Variants in ANKS1B observed in about 807,000 individuals in gnomAD.
The protein encoded by ANKS1B is ankyrin repeat and sterile alpha motif domain containing 1B.
ANKS1B carries 36 observed loss-of-function variants against 148.3 expected under a neutral mutation model. That is an observed-to-expected ratio of 0.24 (90% CI 0.19 to 0.32). The LOEUF is 0.32. ANKS1B is among the 10% of genes least tolerant of loss of function. The probability of loss-of-function intolerance (pLI) is 1.00; values close to 1 mark genes in which losing one functional copy is unlikely to be tolerated. For missense variants in ANKS1B, 1,157 were observed against 1,542.6 expected (o/e 0.75, Z 4.19); for synonymous variants, 542 against 560.8 (o/e 0.97, Z 0.47).
chr12:99,724,682 T>C (rs1024096134), intron 8 of ANKS1B, among the ~76,000 whole-genome samples: 1 of 151,574 alleles, frequency 6.6e-6, no homozygotes, highest in African/African-American at 2.4e-5. Context: ...CATGAGACAA[T>C]CAACCCCAAG....
intron 15 of ANKS1B, among the ~76,000 whole-genome samples, chr12:99,149,305 T>C (rs572163976): frequency 1.3e-5 from 2 of 152,260 alleles, no homozygotes; most frequent in South Asian, 2.1e-4. Flanking sequence ...GAAATACGTA[T>C]GAGCTCTATC....
intron 9 of ANKS1B, among the ~76,000 whole-genome samples, chr12:99,540,644 G>C (rs2097115526): frequency 6.6e-6 from 1 of 151,990 alleles, no homozygotes; most frequent in Admixed American, 6.6e-5. Context: ...ACATACCAAA[G>C]CTTATGGAAT....
intron 9 of ANKS1B, among the ~76,000 whole-genome samples, chr12:99,626,767 G>T (rs2098115849): frequency 6.6e-6 from 1 of 152,132 alleles, no homozygotes; most frequent in African/African-American, 2.4e-5. Flanking sequence ...AAGATATCAG[G>T]AAAGAGGCAT....
intron 10 of ANKS1B, among the ~76,000 whole-genome samples, chr12:99,457,244 C>G (rs1338875621): frequency 2.0e-5 from 3 of 151,856 alleles, no homozygotes; most frequent in African/African-American, 7.2e-5. Context: ...AAAAGAATGG[C>G]TAAAAGGAGC....
chr12:99,903,088 T>C (rs969038730), intron 1 of ANKS1B, among the ~76,000 whole-genome samples: 1 of 152,172 alleles, frequency 6.6e-6, no homozygotes, highest in Non-Finnish European at 1.5e-5. Context: ...AAATAATCTA[T>C]GTAAAAAGCA....
chr12:99,704,449 A>AT (rs2055384575), intron 8 of ANKS1B, among the ~76,000 whole-genome samples: 1 of 152,136 alleles, frequency 6.6e-6, no homozygotes, highest in Admixed American at 6.6e-5. Flanking sequence ...TTTCTCTGAA[A>AT]CAGTCTAGAA....
At chr12:99,050,451 A>G (rs897988170) in intron 17 of ANKS1B, among the ~76,000 whole-genome samples, 13 of 152,200 alleles carry the variant, frequency 8.5e-5, no homozygotes, top group Non-Finnish European at 1.9e-4. Context: ...GAACTTGCCC[A>G]TAAAGTTGTC....
chr12:98,864,186 G>T (rs1302696984), intron 17 of ANKS1B, among the ~76,000 whole-genome samples: 2 of 149,178 alleles, frequency 1.3e-5, no homozygotes, highest in Admixed American at 6.7e-5. Flanking sequence ...TAATATTTGT[G>T]CATACTTATG....
intron 21 of ANKS1B, 43 bp from the exon 22 acceptor site, chr12:98,799,048 A>G: frequency 7.3e-7 from 1 of 1,371,512 alleles, no homozygotes; most frequent in Non-Finnish European, 1.0e-6. Context: ...AATGGAATAT[A>G]CATATGAGTA....
At chr12:99,302,353 A>C (rs2081760088) in intron 12 of ANKS1B, among the ~76,000 whole-genome samples, 1 of 152,174 alleles carries the variant, frequency 6.6e-6, no homozygotes, top group Admixed American at 6.5e-5. Context: ...GAACACATGC[A>C]TTACACAAAA....
At chr12:99,645,457 G>GT in intron 9 of ANKS1B, among the ~76,000 whole-genome samples, 1 of 152,220 alleles carries the variant, frequency 6.6e-6, no homozygotes, top group South Asian at 2.1e-4. Context: ...TCACAAAACC[G>GT]TAACTATTCT....
intron 15 of ANKS1B, among the ~76,000 whole-genome samples, chr12:99,144,154 C>T (rs571454569): frequency 3.1e-4 from 47 of 152,074 alleles, no homozygotes; most frequent in Admixed American, 1.5e-3. Context: ...TTCTATAAAA[C>T]ATTACTTGCC....
At chr12:98,985,669 G>GATAA (rs1206944725) in intron 17 of ANKS1B, among the ~76,000 whole-genome samples, 1 of 151,628 alleles carries the variant, frequency 6.6e-6, no homozygotes, top group African/African-American at 2.4e-5. Flanking sequence ...TTTATCCTTT[G>GATAA]AATGATACTA....
intron 12 of ANKS1B, among the ~76,000 whole-genome samples, chr12:99,380,638 C>T (rs1022172973): frequency 1.3e-5 from 2 of 152,088 alleles, no homozygotes; most frequent in African/African-American, 4.8e-5. Context: ...TTCACTGATT[C>T]TTAATGTATT....
intron 17 of ANKS1B, among the ~76,000 whole-genome samples, chr12:99,024,379 G>A (rs1237106819): frequency 6.6e-6 from 1 of 152,074 alleles, no homozygotes; most frequent in Non-Finnish European, 1.5e-5. Flanking sequence ...TGCTGTCATT[G>A]CATTTCCCTG....
intron 16 of ANKS1B, among the ~76,000 whole-genome samples, chr12:99,065,473 CTT>C (rs1272025633): frequency 2.6e-5 from 4 of 152,152 alleles, no homozygotes; most frequent in Non-Finnish European, 5.9e-5. Flanking sequence ...AAATGAATGA[CTT>C]ATGTTCTACC....
At chr12:99,826,746 G>GA (rs149746801) in intron 1 of ANKS1B, among the ~76,000 whole-genome samples, 4 of 151,556 alleles carry the variant, frequency 2.6e-5, no homozygotes, top group Non-Finnish European at 4.4e-5. Context: ...TTAGGAAATT[G>GA]AAAAAAAATT....
chr12:98,830,566 A>C (rs966182651), intron 18 of ANKS1B, among the ~76,000 whole-genome samples: 1 of 152,154 alleles, frequency 6.6e-6, no homozygotes, highest in Non-Finnish European at 1.5e-5. Context: ...TTATCCTGAC[A>C]GTGGCTATGC....
chr12:99,259,104 C>G (rs1011720960), intron 12 of ANKS1B, among the ~76,000 whole-genome samples: 5 of 152,108 alleles, frequency 3.3e-5, no homozygotes, highest in African/African-American at 1.2e-4. Context: ...CGGCTTTTTT[C>G]CGATACATCA....
Sources: allele counts gnomAD v4.1 joint callset (sites outside exome capture counted in the v4.1 genomes callset), GRCh38; gene constraint gnomAD v4.1.1; transcripts MANE v1.5; gene names NCBI Gene and HGNC (gene_info 2026-07-23, HGNC 2026-07-21).